The following PIK3R1 variants were observed in gnomAD, a reference collection of about 807,000 sequenced individuals.
The protein encoded by PIK3R1 is phosphoinositide-3-kinase regulatory subunit 1, also known as phosphatidylinositol 3-kinase regulatory subunit alpha.
Under a neutral mutation model 98.0 loss-of-function variants are expected in PIK3R1, and 29 were observed. That is an observed-to-expected ratio of 0.30 (90% CI 0.22 to 0.40). The LOEUF (loss-of-function observed/expected upper bound fraction) is 0.40, where lower values mean the gene tolerates loss of function less well. PIK3R1 is among the 10% of genes least tolerant of loss of function. The pLI, the probability that PIK3R1 is intolerant of heterozygous loss-of-function variation, is 1.00. For missense variants in PIK3R1, 596 were observed against 872.7 expected (o/e 0.68, Z 3.99); for synonymous variants, 282 against 311.8 (o/e 0.90, Z 1.01).
At chr5:68,281,912 G>A (rs1286904236) in intron 7 of PIK3R1, among the ~76,000 whole-genome samples, 1 of 152,156 alleles carries the variant, frequency 6.6e-6, no homozygotes, top group African/African-American at 2.4e-5. Context: ...GCACAGCCAG[G>A]CTTGGTTACT....
chr5:68,252,595 G>A (rs73771029), intron 2 of PIK3R1, among the ~76,000 whole-genome samples: 2,393 of 152,274 alleles, frequency 0.016, 56 homozygotes, highest in African/African-American at 0.055. Flanking sequence ...TTTCAAAATT[G>A]TAGAAGTTAT....
At chr5:68,288,538 T>C in intron 7 of PIK3R1, 1 of 1,446,374 alleles carries the variant, frequency 6.9e-7, no homozygotes, top group Non-Finnish European at 9.0e-7. Flanking sequence ...CAAGCGGAGC[T>C]GGGCCACTGT....
At chr5:68,223,851 C>A (rs1042836352) in intron 1 of PIK3R1, among the ~76,000 whole-genome samples, 2 of 152,194 alleles carry the variant, frequency 1.3e-5, no homozygotes, top group Non-Finnish European at 1.5e-5. Context: ...AGCCCCCTGG[C>A]AAGGAACAGC....
At chr5:68,280,500 CT>C in intron 5 of PIK3R1, 27 bp from the exon 6 acceptor site, 1 of 1,328,130 alleles carries the variant, frequency 7.5e-7, no homozygotes, top group Non-Finnish European at 1.1e-6. Context: ...TTACTCATTT[CT>C]CTTTTTTTTT....
intron 2 of PIK3R1, among the ~76,000 whole-genome samples, chr5:68,272,092 A>C (rs1157774585): frequency 6.6e-6 from 1 of 151,882 alleles, no homozygotes; most frequent in East Asian, 1.9e-4. Context: ...CTCTACTAAA[A>C]ATATACAAAA....
intron 7 of PIK3R1, chr5:68,291,302 C>T (rs1323075301): frequency 6.6e-6 from 1 of 152,360 alleles, no homozygotes; most frequent in East Asian, 1.9e-4. Context: ...TTTGCTTGCT[C>T]TCTCATATTA....
In PIK3R1 at chr5:68,279,814, A is replaced by G. The variant is rs3815701; in HGVS notation, c.634+81A>G. The G allele has an allele frequency of 0.24, 321,005 of 1,361,854 alleles. 38,821 individuals are homozygous for G. Among genetic ancestry groups the G allele is most frequent in the South Asian group, 0.25 (20,060 of 80,160 alleles). The allele number at this position is 1,361,854 out of a possible 1,614,324, so 84.4% of individuals were successfully genotyped here. A position where few individuals can be genotyped will look rare whatever the true frequency, so the allele number is the denominator to read the frequency against. ...CTTGTATATGTCTTGCATATATAGA[A>G]ATAGTGGTTAGAAAATAGTAGTAAT... On this transcript the variant is annotated intron_variant, in intron 5 of 15. Coordinates refer to ENST00000521381, the MANE Select transcript of PIK3R1 (RefSeq NM_181523.3).
Position 68,292,314 on chromosome 5 carries a change from C to G in PIK3R1, c.972C>G (p.Asn324Lys), listed in dbSNP as rs758481504. The change falls in exon 8 of 16, where the codon AAC becomes AAG. Residue 324 changes from asparagine to lysine, a missense_variant. Transcript: ENST00000521381. ...CTGTAGCCAACAACGGTATGAATAA[C>G]AATATGTCCTTACAAGATGCTGAAT... ...PTTVANNGMN[N>K]NMSLQDAEWY... The G allele has an allele frequency of 6.2e-7, 1 of 1,613,486 alleles. No individual in the cohort carries two copies. The highest frequency in any genetic ancestry group is 1.3e-5 in the African/African-American group (1 of 74,896).
chr5:68,250,473 CATATA>C (rs1745263781), intron 2 of PIK3R1, among the ~76,000 whole-genome samples: 1 of 152,176 alleles, frequency 6.6e-6, no homozygotes, highest in African/African-American at 2.4e-5. Flanking sequence ...TAGACTTAGA[CATATA>C]ATAGAAGCTA....
intron 2 of PIK3R1, among the ~76,000 whole-genome samples, chr5:68,245,556 G>T (rs1352856593): frequency 3.3e-5 from 5 of 152,192 alleles, no homozygotes; most frequent in African/African-American, 7.2e-5. Flanking sequence ...TGACTAATGT[G>T]CTGTGTGACC....
intron 2 of PIK3R1, among the ~76,000 whole-genome samples, chr5:68,260,328 A>ATCCCTGTCACTTGTAC (rs1745689576): frequency 6.6e-6 from 1 of 152,096 alleles, no homozygotes; most frequent in Non-Finnish European, 1.5e-5. Context: ...TGTCTGTTTT[A>ATCCCTGTCACTTGTAC]TCCCTGTCAC....
intron 2 of PIK3R1, among the ~76,000 whole-genome samples, chr5:68,240,880 A>G (rs1744848902): frequency 6.6e-6 from 1 of 152,178 alleles, no homozygotes; most frequent in African/African-American, 2.4e-5. Context: ...ATCTTTTTCC[A>G]AAATACAAAA....
intron 2 of PIK3R1, among the ~76,000 whole-genome samples, chr5:68,257,307 A>T (rs757818510): frequency 6.6e-6 from 1 of 152,260 alleles, no homozygotes; most frequent in Non-Finnish European, 1.5e-5. Context: ...AAATGCAGAC[A>T]TAACCATGGA....
At chr5:68,252,415 A>AGG (rs1190182251) in intron 2 of PIK3R1, among the ~76,000 whole-genome samples, 1 of 152,074 alleles carries the variant, frequency 6.6e-6, no homozygotes, top group African/African-American at 2.4e-5. Flanking sequence ...GGGAGAGGGA[A>AGG]GGGAGTGTGT....
intron 1 of PIK3R1, among the ~76,000 whole-genome samples, chr5:68,225,434 T>C (rs1744236381): frequency 6.6e-6 from 1 of 152,178 alleles, no homozygotes; most frequent in African/African-American, 2.4e-5. Context: ...ACCTGGCTTC[T>C]CTTTGCCTGA....
At chr5:68,279,994 C>T (rs561183646) in intron 5 of PIK3R1, among the ~76,000 whole-genome samples, 110 of 152,226 alleles carry the variant, frequency 7.2e-4, no homozygotes, top group African/African-American at 2.4e-3. Context: ...AAAGTTTGTA[C>T]GTCAATGAAG....
intron 2 of PIK3R1, among the ~76,000 whole-genome samples, chr5:68,268,070 G>A (rs1009355973): frequency 6.6e-6 from 1 of 151,988 alleles, no homozygotes; most frequent in Non-Finnish European, 1.5e-5. Flanking sequence ...TACTGGGCAC[G>A]ATGCCTGTCA....
intron 2 of PIK3R1, among the ~76,000 whole-genome samples, chr5:68,273,018 T>C (rs1236788639): frequency 6.6e-6 from 1 of 152,136 alleles, no homozygotes; most frequent in Non-Finnish European, 1.5e-5. Flanking sequence ...AGTGTGGTAT[T>C]ATGGGGAGAG....
At chr5:68,274,423 A>G (rs1746488629) in intron 4 of PIK3R1, among the ~76,000 whole-genome samples, 1 of 152,188 alleles carries the variant, frequency 6.6e-6, no homozygotes, top group African/African-American at 2.4e-5. Flanking sequence ...CTCTTCTGAC[A>G]TCCTTTTTCT....
Sources: gnomAD v4.1 joint callset for allele counts (sites outside exome capture counted in the v4.1 genomes callset) on GRCh38, gnomAD v4.1.1 for gene constraint, MANE v1.5 for transcripts, NCBI Gene and HGNC (gene_info 2026-07-23, HGNC 2026-07-21) for gene names.